Variants in SMG6 observed in about 807,000 individuals in gnomAD.
SMG6 encodes SMG6 nonsense mediated mRNA decay factor.
SMG6 carries 66 observed loss-of-function variants against 142.2 expected under a neutral mutation model. That is an observed-to-expected ratio of 0.46 (90% CI 0.38 to 0.57). SMG6 has a LOEUF of 0.57. Among genes scored for constraint, SMG6 ranks in the 20% least tolerant of loss-of-function variants. SMG6 has a pLI of 0.00. For synonymous variants in SMG6, 779 were observed against 702.4 expected (o/e 1.11, Z -1.72); for missense variants, 1,793 against 1,832.0 (o/e 0.98, Z 0.39).
chr17:2,072,350 C>T (rs1039007989), intron 15 of SMG6, among the ~76,000 whole-genome samples: 2 of 152,212 alleles, frequency 1.3e-5, no homozygotes, highest in Admixed American at 1.3e-4. Context: ...AACACACGGA[C>T]ACTCTGAATC....
chr17:2,264,959 C>T lies in SMG6; in HGVS notation c.2661+17688G>A, dbSNP rs191627965. Among the ~76,000 whole-genome samples, 247 of 152,160 alleles carry T rather than the reference C, an allele frequency of 1.6e-3. 2 individuals carry two copies. Among genetic ancestry groups the T allele is most frequent in the African/African-American group, 5.7e-3 (237 of 41,492 alleles). On this transcript the variant is annotated intron_variant, in intron 8 of 18. Transcript: ENST00000263073. The stretch of plus-strand genomic sequence containing the variant: ...TATTCCACCCTACTGAAAACTCTCC[C>T]TATTCCACTAGCTACTCAAATTCTC...
At chr17:2,207,623 A>T (rs1416838300) in intron 10 of SMG6, among the ~76,000 whole-genome samples, 1 of 152,166 alleles carries the variant, frequency 6.6e-6, no homozygotes, top group Admixed American at 6.5e-5. Flanking sequence ...AATTAAATAT[A>T]TACATATATA....
intron 13 of SMG6, among the ~76,000 whole-genome samples, chr17:2,155,037 T>C (rs2070957766): frequency 6.7e-6 from 1 of 149,940 alleles, no homozygotes; most frequent in Non-Finnish European, 1.5e-5. Flanking sequence ...AAAAACAAAG[T>C]ATACTCTGAG....
intron 10 of SMG6, among the ~76,000 whole-genome samples, chr17:2,192,706 G>A (rs571187684): frequency 1.4e-3 from 212 of 152,272 alleles, no homozygotes; most frequent in Non-Finnish European, 2.4e-3. Flanking sequence ...TCAGACACAA[G>A]GCTGGCACAG....
chr17:2,228,858 C>A (rs576629725), intron 10 of SMG6, among the ~76,000 whole-genome samples: 4 of 152,240 alleles, frequency 2.6e-5, no homozygotes, highest in African/African-American at 9.6e-5. Context: ...TATTTCTTAA[C>A]CTGGGTGGTA....
intron 13 of SMG6, among the ~76,000 whole-genome samples, chr17:2,108,966 A>G (rs1259007468): frequency 1.3e-5 from 2 of 152,156 alleles, no homozygotes; most frequent in African/African-American, 2.4e-5. Context: ...ATTTTATCTC[A>G]TTTAATCCTT....
At chr17:2,294,466 T>C (rs898391524) in intron 4 of SMG6, among the ~76,000 whole-genome samples, 3 of 152,190 alleles carry the variant, frequency 2.0e-5, no homozygotes, top group Non-Finnish European at 2.9e-5. Context: ...CAGCACCATA[T>C]TCCCGGTCAC....
At chr17:2,112,305 C>T (rs917035261) in intron 13 of SMG6, among the ~76,000 whole-genome samples, 1 of 151,466 alleles carries the variant, frequency 6.6e-6, no homozygotes, top group African/African-American at 2.4e-5. Context: ...GAGATCGAGA[C>T]CATCATGGCT....
At chr17:2,183,451 A>G (rs1182801430) in intron 12 of SMG6, among the ~76,000 whole-genome samples, 2 of 152,194 alleles carry the variant, frequency 1.3e-5, no homozygotes, top group African/African-American at 4.8e-5. Flanking sequence ...GATTGAAGTC[A>G]GCAAGCTTTT....
chr17:2,235,386 G>A (rs754722458), intron 10 of SMG6, among the ~76,000 whole-genome samples: 1 of 152,120 alleles, frequency 6.6e-6, no homozygotes, highest in Non-Finnish European at 1.5e-5. Flanking sequence ...AGAAAGATCC[G>A]CATTTCCATT....
At chr17:2,214,857 C>T (rs2072967613) in intron 10 of SMG6, among the ~76,000 whole-genome samples, 1 of 152,168 alleles carries the variant, frequency 6.6e-6, no homozygotes, top group South Asian at 2.1e-4. Flanking sequence ...CTGTGACGGA[C>T]ACCATTTTGG....
chr17:2,077,749 C>G (rs2068300362), intron 15 of SMG6, among the ~76,000 whole-genome samples: 1 of 152,162 alleles, frequency 6.6e-6, no homozygotes, highest in African/African-American at 2.4e-5. Flanking sequence ...ACACCATAGC[C>G]TTGTACTCCT....
intron 8 of SMG6, among the ~76,000 whole-genome samples, chr17:2,255,078 G>A (rs1034823254): frequency 6.6e-6 from 1 of 152,080 alleles, no homozygotes; most frequent in Non-Finnish European, 1.5e-5. Flanking sequence ...CTGGAGAAGT[G>A]GGCAGGGCAT....
At chr17:2,234,717 T>C (rs1002304842) in intron 10 of SMG6, among the ~76,000 whole-genome samples, 2 of 151,200 alleles carry the variant, frequency 1.3e-5, no homozygotes, top group African/African-American at 2.4e-5. Context: ...ATTATTATTA[T>C]TATTATTTGA....
intron 15 of SMG6, among the ~76,000 whole-genome samples, chr17:2,080,380 T>C (rs1014731901): frequency 2.6e-5 from 4 of 152,040 alleles, no homozygotes; most frequent in Non-Finnish European, 4.4e-5. Context: ...ATCATGCCAC[T>C]GGACTCCAGC....
chr17:2,115,532 T>C (rs2069478964), intron 13 of SMG6, among the ~76,000 whole-genome samples: 1 of 152,084 alleles, frequency 6.6e-6, no homozygotes, highest in African/African-American at 2.4e-5. Context: ...AGTATAGAAA[T>C]AGACCCAAAC....
At chr17:2,275,741 A>C (rs1258203145) in intron 8 of SMG6, among the ~76,000 whole-genome samples, 1 of 152,200 alleles carries the variant, frequency 6.6e-6, no homozygotes, top group East Asian at 1.9e-4. Flanking sequence ...AAATGCCCAG[A>C]ACCCTGGCAA....
chr17:2,292,521 G>C (rs1232827368), intron 6 of SMG6, 31 bp downstream of exon 6: 1 of 1,603,008 alleles, frequency 6.2e-7, no homozygotes, highest in Non-Finnish European at 8.5e-7. Flanking sequence ...TTCCTGCAAA[G>C]CACTTTTCCC....
intron 12 of SMG6, among the ~76,000 whole-genome samples, chr17:2,173,843 A>G (rs1340502616): frequency 7.0e-6 from 1 of 143,378 alleles, no homozygotes; most frequent in Non-Finnish European, 1.5e-5. Context: ...GGATCCATAA[A>G]GCTTTTTTTT....
Sources: allele counts gnomAD v4.1 joint callset (sites outside exome capture counted in the v4.1 genomes callset), GRCh38; gene constraint gnomAD v4.1.1; transcripts MANE v1.5; gene names NCBI Gene and HGNC (gene_info 2026-07-23, HGNC 2026-07-21).